The following METTL15 variants were observed in gnomAD, a reference collection of about 807,000 sequenced individuals.
The protein encoded by METTL15 is 12S rRNA N(4)-cytidine methyltransferase METTL15.
Under a neutral mutation model 38.3 loss-of-function variants are expected in METTL15, and 34 were observed. That is an observed-to-expected ratio of 0.89 (90% CI 0.68 to 1.18). The LOEUF (loss-of-function observed/expected upper bound fraction) is 1.18, where lower values mean the gene tolerates loss of function less well. Among genes scored for constraint, METTL15 ranks in the 50% most tolerant of loss-of-function variants. The probability of loss-of-function intolerance (pLI) is 0.00; values close to 1 mark genes in which losing one functional copy is unlikely to be tolerated. For missense variants in METTL15, 438 were observed against 498.4 expected (o/e 0.88, Z 1.15); for synonymous variants, 162 against 170.9 (o/e 0.95, Z 0.41).
At chr11:28,374,404 G>A (rs774003105) in intron 5 of METTL15, among the ~76,000 whole-genome samples, 1 of 151,672 alleles carries the variant, frequency 6.6e-6, no homozygotes, top group Non-Finnish European at 1.5e-5. Flanking sequence ...TGGTTTCCTA[G>A]GTATTTTATT....
chr11:28,265,856 C>T (rs919924812), intron 4 of METTL15, among the ~76,000 whole-genome samples: 2 of 152,192 alleles, frequency 1.3e-5, no homozygotes, highest in African/African-American at 4.8e-5. Flanking sequence ...TACATGTGCA[C>T]AACGTGCAGG....
chr11:28,326,620 A>G (rs1849642588), intron 6 of METTL15, among the ~76,000 whole-genome samples: 1 of 152,018 alleles, frequency 6.6e-6, no homozygotes, highest in Non-Finnish European at 1.5e-5. Context: ...TCTGTCGCCC[A>G]GGCTGGAGTG....
chr11:28,217,169 G>T (rs965895116), intron 4 of METTL15, among the ~76,000 whole-genome samples: 165 of 152,216 alleles, frequency 1.1e-3, no homozygotes, highest in African/African-American at 3.2e-3. Flanking sequence ...CTAGTTTACA[G>T]TCCCACCAAC....
intron 6 of METTL15, among the ~76,000 whole-genome samples, chr11:28,306,059 C>T (rs549087849): frequency 6.6e-6 from 1 of 152,090 alleles, no homozygotes; most frequent in South Asian, 2.1e-4. Context: ...CTTAGAATCC[C>T]CTTTCCTAAA....
chr11:28,165,561 C>T (rs182760823), intron 3 of METTL15, among the ~76,000 whole-genome samples: 313 of 151,998 alleles, frequency 2.1e-3, no homozygotes, highest in African/African-American at 7.3e-3. Flanking sequence ...AGTTTGTTAA[C>T]TCCTTATTAG....
chr11:28,372,608 C>T lies in METTL15; in HGVS notation c.*358+10572C>T, dbSNP rs527391935. Among the ~76,000 whole-genome samples, 27 of 146,702 alleles carry T rather than the reference C, an allele frequency of 1.8e-4. 2 individuals carry two copies. In the South Asian group the frequency reaches 5.7e-3, roughly 31 times the overall value. ...AGCATTCCTCAGAGACCACATTATT[C>T]TTTTTTTTTTCCTTTTTTTTATTAT... On this transcript the variant is annotated intron_variant and NMD_transcript_variant, in intron 5 of 7. Coordinates refer to the METTL15 transcript ENST00000532947.
At chr11:28,185,709 A>T (rs1851469011) in intron 3 of METTL15, among the ~76,000 whole-genome samples, 1 of 151,182 alleles carries the variant, frequency 6.6e-6, no homozygotes, top group South Asian at 2.1e-4. Flanking sequence ...TCCCAGGCCA[A>T]AGCAAAGTGA....
intron 4 of METTL15, among the ~76,000 whole-genome samples, chr11:28,354,036 G>A (rs1161142145): frequency 6.6e-6 from 1 of 151,896 alleles, no homozygotes; most frequent in Non-Finnish European, 1.5e-5. Flanking sequence ...TAAGAGAGAA[G>A]CTGGACATAT....
At chr11:28,134,577 C>G (rs1472145321) in intron 3 of METTL15, 1 of 398,398 alleles carries the variant, frequency 2.5e-6, no homozygotes, top group Non-Finnish European at 4.4e-6. Flanking sequence ...GGACGAAGAC[C>G]TCTCTTAACT....
At chr11:28,180,661 A>G (rs778194759) in intron 3 of METTL15, among the ~76,000 whole-genome samples, 2 of 151,790 alleles carry the variant, frequency 1.3e-5, no homozygotes, top group South Asian at 2.1e-4. Context: ...TTAGTATGCA[A>G]TTTCTTAGTA....
chr11:28,484,229 T>C (rs1201689296), intron 6 of METTL15, among the ~76,000 whole-genome samples: 1 of 152,206 alleles, frequency 6.6e-6, no homozygotes, highest in Non-Finnish European at 1.5e-5. Flanking sequence ...GTCTGTACTA[T>C]TTTTAGCTTA....
At chr11:28,218,061 G>C (rs1852988352) in intron 4 of METTL15, among the ~76,000 whole-genome samples, 1 of 152,058 alleles carries the variant, frequency 6.6e-6, no homozygotes, top group Non-Finnish European at 1.5e-5. Context: ...GGTTCCATAT[G>C]AACTTCAAAG....
At chr11:28,385,961 A>C (rs78062774) in intron 5 of METTL15, among the ~76,000 whole-genome samples, 4 of 152,108 alleles carry the variant, frequency 2.6e-5, no homozygotes, top group South Asian at 4.1e-4. Flanking sequence ...AATGGATACA[A>C]AATACATATA....
intron 4 of METTL15, among the ~76,000 whole-genome samples, chr11:28,234,125 G>A (rs376242885): frequency 6.6e-6 from 1 of 152,182 alleles, no homozygotes; most frequent in Middle Eastern, 3.4e-3. Context: ...CCCTACAAAG[G>A]ACATGAACTC....
At chr11:28,241,466 G>A (rs1297568567) in intron 4 of METTL15, among the ~76,000 whole-genome samples, 3 of 151,704 alleles carry the variant, frequency 2.0e-5, no homozygotes, top group Non-Finnish European at 2.9e-5. Flanking sequence ...CCCGGGAGGC[G>A]GAGCTTGCAG....
chr11:28,358,138 C>T (rs1850105465), intron 4 of METTL15, among the ~76,000 whole-genome samples: 1 of 152,018 alleles, frequency 6.6e-6, no homozygotes, highest in South Asian at 2.1e-4. Context: ...ATGAAGGAGA[C>T]CATGTTTCAC....
chr11:28,286,865 C>T (rs1409165841), intron 4 of METTL15, among the ~76,000 whole-genome samples: 3 of 151,470 alleles, frequency 2.0e-5, no homozygotes, highest in South Asian at 2.1e-4. Context: ...GAAACAGAAC[C>T]AGTAGTATGT....
intron 6 of METTL15, among the ~76,000 whole-genome samples, chr11:28,436,701 T>C (rs1055566392): frequency 1.3e-5 from 2 of 152,162 alleles, no homozygotes; most frequent in Non-Finnish European, 2.9e-5. Flanking sequence ...GTAGCACATA[T>C]GCCATGTGCT....
At chr11:28,380,766 G>T (rs377191712) in intron 5 of METTL15, among the ~76,000 whole-genome samples, 3 of 151,940 alleles carry the variant, frequency 2.0e-5, no homozygotes, top group Admixed American at 6.6e-5. Context: ...ACAAATGTTC[G>T]TCTAGGAGAA....
Sources: allele counts gnomAD v4.1 joint callset (sites outside exome capture counted in the v4.1 genomes callset), GRCh38; gene constraint gnomAD v4.1.1; transcripts MANE v1.5; gene names NCBI Gene and HGNC (gene_info 2026-07-23, HGNC 2026-07-21).